Variants in RIOK3 observed in about 807,000 individuals in gnomAD.
RIOK3 encodes RIO kinase 3, also known as serine/threonine-protein kinase RIO3.
In RIOK3, 40 loss-of-function variants were observed where a neutral mutation model predicts 63.5. The observed-to-expected ratio is 0.63, with a 90% CI of 0.49 to 0.82. The LOEUF (loss-of-function observed/expected upper bound fraction) is 0.82. Ranked by LOEUF, RIOK3 falls within the 40% of genes least tolerant of loss-of-function variation. The probability of loss-of-function intolerance (pLI) is 0.00; values close to 1 mark genes in which losing one functional copy is unlikely to be tolerated. For missense variants in RIOK3, 557 were observed against 637.0 expected, an observed-to-expected ratio of 0.87 and a Z score of 1.35; for synonymous variants, 193 against 205.0, an observed-to-expected ratio of 0.94 and a Z score of 0.50.
intron 7 of RIOK3, among the ~76,000 whole-genome samples, chr18:23,470,033 G>C (rs771368481): frequency 5.3e-5 from 8 of 152,112 alleles, no homozygotes; most frequent in Non-Finnish European, 1.2e-4. Flanking sequence ...AATAGAACAA[G>C]ATCATTGCCA....
At chr18:23,464,363 A>C in intron 4 of RIOK3, 50 bp downstream of exon 4, 1 of 1,337,668 alleles carries the variant, frequency 7.5e-7, no homozygotes, top group Non-Finnish European at 1.0e-6. Flanking sequence ...GTATAGGAAG[A>C]CTAATCTTTT....
intron 1 of RIOK3, among the ~76,000 whole-genome samples, chr18:23,454,336 T>C (rs558695892): frequency 6.6e-6 from 1 of 152,352 alleles, no homozygotes; most frequent in African/African-American, 2.4e-5. Flanking sequence ...AAGGTCTTAT[T>C]AGATCTTCAG....
intron 9 of RIOK3, among the ~76,000 whole-genome samples, chr18:23,475,462 C>CACAAAAAAAA (rs2057483613): frequency 1.0e-5 from 1 of 99,324 alleles, no homozygotes. Flanking sequence ...GACTCTGTCT[C>CACAAAAAAAA]AAAAAAAAAA....
chr18:23,465,915 T>C (rs564172790), intron 5 of RIOK3, among the ~76,000 whole-genome samples: 49 of 152,354 alleles, frequency 3.2e-4, no homozygotes, highest in East Asian at 3.1e-3. Flanking sequence ...TTTCTATGCC[T>C]GGAATAAATG....
intron 7 of RIOK3, 95 bp downstream of exon 7, chr18:23,467,621 G>A: frequency 8.3e-7 from 1 of 1,203,538 alleles, no homozygotes; most frequent in East Asian, 2.4e-5. Flanking sequence ...ATGCTGCATG[G>A]CAAGCAGAGT....
chr18:23,454,787 C>T lies in RIOK3; in HGVS notation c.63+1285C>T, dbSNP rs190498569. 2.3e-3 allele frequency among the ~76,000 whole-genome samples: 352 copies of T among 152,306 alleles called. 5 individuals are homozygous for T. Among genetic ancestry groups the T allele is most frequent in the Middle Eastern group, 0.02 (6 of 294 alleles). On this transcript the variant is annotated intron_variant, in intron 1 of 12. Coordinates refer to ENST00000339486, the MANE Select transcript of RIOK3 (RefSeq NM_003831.5). ...TTTTCATTGTGCAACAAAAATGCTTCTGGGATTTATAGACGCTCTATTGGG... is the reference window on the plus strand; with the variant it reads ...TTTTCATTGTGCAACAAAAATGCTTTTGGGATTTATAGACGCTCTATTGGG...
intron 9 of RIOK3, among the ~76,000 whole-genome samples, chr18:23,476,142 A>G (rs769620026): frequency 1.6e-4 from 24 of 152,062 alleles, no homozygotes; most frequent in Middle Eastern, 3.2e-3. Flanking sequence ...GTCTCATCAT[A>G]AGAGAGTGAT....
chr18:23,470,041 C>G (rs1338295469), intron 7 of RIOK3, among the ~76,000 whole-genome samples: 1 of 151,956 alleles, frequency 6.6e-6, no homozygotes, highest in Non-Finnish European at 1.5e-5. Context: ...AAGATCATTG[C>G]CAGGCACATT....
intron 1 of RIOK3, 52 bp downstream of exon 1, chr18:23,453,554 T>C (rs1265447958): frequency 1.4e-6 from 2 of 1,453,470 alleles, no homozygotes; most frequent in African/African-American, 2.8e-5. Flanking sequence ...GGGCTGGATC[T>C]CTCGGAAAGC....
At chr18:23,458,287 A>G (rs1471914319) in intron 1 of RIOK3, among the ~76,000 whole-genome samples, 5 of 152,154 alleles carry the variant, frequency 3.3e-5, no homozygotes, top group Non-Finnish European at 7.4e-5. Flanking sequence ...AGCGAAGGTC[A>G]TATCTTTAGG....
chr18:23,458,838 C>T lies in RIOK3; in HGVS notation c.64-4126C>T, dbSNP rs1172631809. On this transcript the variant is annotated intron_variant, in intron 1 of 12. Coordinates refer to ENST00000339486, the MANE Select transcript of RIOK3 (RefSeq NM_003831.5). The stretch of plus-strand genomic sequence containing the variant: ...TCCCCCGACCCCAGAAGCTGTCCGT[C>T]TCACAGCCTGGAAAAAGTGTATGGA... 4.6e-5 allele frequency among the ~76,000 whole-genome samples: 7 copies of T among 152,310 alleles called. No individual in the cohort carries two copies. The East Asian group carries it at 1.3e-3, about 29-fold the overall frequency.
chr18:23,463,360 G>C lies in RIOK3; in HGVS notation c.179+281G>C, dbSNP rs753057015. 1.2e-4 allele frequency: 28 copies of C among 225,376 alleles called. 1 individual carries two copies. Among genetic ancestry groups the C allele is most frequent in the Admixed American group, 8.6e-4 (15 of 17,410 alleles). 14.0% of individuals were successfully genotyped at this position (225,376 alleles called of 1,614,324 possible). ...AAGTGTTTGTAGTTTATCTTTTCAT[G>C]AATATGTATCTATTCTTTCATTATG... On this transcript the variant is annotated intron_variant, in intron 2 of 12. Transcript: ENST00000339486.
At chr18:23,465,339 C>A (rs535214784) in intron 5 of RIOK3, among the ~76,000 whole-genome samples, 25 of 152,202 alleles carry the variant, frequency 1.6e-4, no homozygotes, top group Admixed American at 9.2e-4. Context: ...CCACTTCACT[C>A]CAGCCTGGGC....
At chr18:23,465,860 C>T (rs1232389143) in intron 5 of RIOK3, among the ~76,000 whole-genome samples, 1 of 152,196 alleles carries the variant, frequency 6.6e-6, no homozygotes, top group African/African-American at 2.4e-5. Context: ...AAGCAAGGTA[C>T]AATGCACATG....
chr18:23,471,596 CGTT>C (rs2057456512), intron 7 of RIOK3, among the ~76,000 whole-genome samples: 2 of 152,068 alleles, frequency 1.3e-5, no homozygotes, highest in Admixed American at 1.3e-4. Context: ...TCAGTTAAAA[CGTT>C]GTAGTAGTTG....
At chr18:23,470,706 G>A (rs953718478) in intron 7 of RIOK3, among the ~76,000 whole-genome samples, 4 of 152,186 alleles carry the variant, frequency 2.6e-5, no homozygotes, top group African/African-American at 9.7e-5. Context: ...TAGTAAAGTG[G>A]TGTAAGCAAA....
intron 7 of RIOK3, among the ~76,000 whole-genome samples, chr18:23,471,590 T>C (rs1316430270): frequency 1.3e-5 from 2 of 152,158 alleles, no homozygotes; most frequent in Non-Finnish European, 2.9e-5. Context: ...GTAAGATCAG[T>C]TAAAACGTTG....
intron 7 of RIOK3, among the ~76,000 whole-genome samples, chr18:23,472,643 G>A (rs1013545446): frequency 6.6e-6 from 1 of 152,034 alleles, no homozygotes; most frequent in Non-Finnish European, 1.5e-5. Context: ...TCGTTCACTC[G>A]ATCTTCATGA....
intron 9 of RIOK3, among the ~76,000 whole-genome samples, chr18:23,476,266 A>T (rs911835874): frequency 3.9e-5 from 6 of 152,230 alleles, no homozygotes; most frequent in Non-Finnish European, 4.4e-5. Flanking sequence ...AGGGCCTTCC[A>T]GGTTGAGACA....
Sources: gnomAD v4.1 joint callset for allele counts (sites outside exome capture counted in the v4.1 genomes callset) on GRCh38, gnomAD v4.1.1 for gene constraint, MANE v1.5 for transcripts, NCBI Gene and HGNC (gene_info 2026-07-23, HGNC 2026-07-21) for gene names.